PPP2R2C: variants seen among roughly 807,000 people sequenced by gnomAD.
PPP2R2C encodes protein phosphatase 2 regulatory subunit Bgamma.
Under a neutral mutation model 45.3 loss-of-function variants are expected in PPP2R2C, and 10 were observed. The observed-to-expected ratio is 0.22, with a 90% CI of 0.14 to 0.37. The LOEUF is 0.37. Among genes scored for constraint, PPP2R2C ranks in the 10% least tolerant of loss-of-function variants. The pLI, the probability that PPP2R2C is intolerant of heterozygous loss-of-function variation, is 1.00. For missense variants in PPP2R2C, 308 were observed against 619.7 expected (o/e 0.50, Z 5.34); for synonymous variants, 257 against 245.4 (o/e 1.05, Z -0.44).
intron 5 of PPP2R2C, among the ~76,000 whole-genome samples, chr4:6,358,352 C>T (rs1713407952): frequency 6.6e-6 from 1 of 152,130 alleles, no homozygotes; most frequent in Admixed American, 6.5e-5. Flanking sequence ...GGAGTAAAGA[C>T]TTAAATGTTA....
chr4:6,538,178 T>A (rs1724692073), intron 1 of PPP2R2C, among the ~76,000 whole-genome samples: 1 of 152,198 alleles, frequency 6.6e-6, no homozygotes, highest in Non-Finnish European at 1.5e-5. Context: ...TCATTCCATT[T>A]AATCTTCCCA....
intron 1 of PPP2R2C, among the ~76,000 whole-genome samples, chr4:6,454,486 G>T (rs1269485914): frequency 6.6e-6 from 1 of 152,138 alleles, no homozygotes; most frequent in Non-Finnish European, 1.5e-5. Context: ...GCACGCTGGA[G>T]AGGGGAGCCC....
intron 2 of PPP2R2C, among the ~76,000 whole-genome samples, chr4:6,529,499 A>G (rs928030244): frequency 4.6e-5 from 7 of 151,592 alleles, no homozygotes; most frequent in African/African-American, 1.5e-4. Context: ...GTGGGTGCCA[A>G]CACCTCCAGT....
At position 6,420,990 on chromosome 4, in the gene PPP2R2C, G is replaced by C. The variant is rs1157920588; in HGVS notation, c.71-39896C>G. On this transcript the variant is annotated intron_variant, in intron 1 of 8. Coordinates refer to ENST00000382599, the MANE Select transcript of PPP2R2C (RefSeq NM_020416.4). ...CAGCAGCCAAGAGCTTGGGCAGCTG[G>C]TTCTCCTCGATGTGCCTGAGGAGGG... 7 of 985,102 alleles carry C rather than the reference G, an allele frequency of 7.1e-6. No individual in the cohort carries two copies. The East Asian group carries it at 6.8e-4, about 96-fold the overall frequency. The allele number at this position is 985,102 out of a possible 1,614,324, so 61.0% of individuals were successfully genotyped here.
intron 1 of PPP2R2C, among the ~76,000 whole-genome samples, chr4:6,548,853 A>T (rs928651179): frequency 6.6e-6 from 1 of 152,158 alleles, no homozygotes; most frequent in Admixed American, 6.5e-5. Context: ...TGGACAGCAA[A>T]GTCTTTCTTG....
At chr4:6,480,678 G>A (rs1264878635) in intron 2 of PPP2R2C, among the ~76,000 whole-genome samples, 2 of 152,224 alleles carry the variant, frequency 1.3e-5, no homozygotes, top group Admixed American at 6.5e-5. Context: ...AGGATGGACA[G>A]GTGGAGGGCG....
At chr4:6,476,213 T>C (rs1314358699), upstream of PPP2R2C, among the ~76,000 whole-genome samples, 1 of 152,134 alleles carries the variant, frequency 6.6e-6, no homozygotes, top group Non-Finnish European at 1.5e-5. Flanking sequence ...AAGTAAACAC[T>C]CATCTAACCA....
intron 1 of PPP2R2C, among the ~76,000 whole-genome samples, chr4:6,386,858 T>C (rs913486835): frequency 2.0e-5 from 3 of 152,056 alleles, no homozygotes; most frequent in African/African-American, 7.2e-5. Flanking sequence ...TCATACTTCA[T>C]GAAAGAATAA....
Position 6,462,697 on chromosome 4 carries a change from A to G in PPP2R2C, c.70+9463T>C, listed in dbSNP as rs143581255. The stretch of plus-strand genomic sequence containing the variant: ...ACCAGAATTTAGGTAACAAAGAATC[A>G]GGATATGTTTTGTGAGGTGGGATAA... On this transcript the variant is annotated intron_variant, in intron 1 of 8. Coordinates refer to ENST00000382599, the MANE Select transcript of PPP2R2C (RefSeq NM_020416.4). Among the ~76,000 whole-genome samples, 6 of 152,324 alleles carry G rather than the reference A, an allele frequency of 3.9e-5. 1 individual carries two copies. Among genetic ancestry groups the G allele is most frequent in the Admixed American group, 6.5e-5 (1 of 15,302 alleles).
intron 6 of PPP2R2C, among the ~76,000 whole-genome samples, chr4:6,335,358 GGA>G (rs1732762945): frequency 6.6e-6 from 1 of 152,160 alleles, no homozygotes; most frequent in Admixed American, 6.5e-5. Context: ...GTGAAGTTGG[GGA>G]GAGATTGGTG....
chr4:6,384,423 T>C, intron 1 of PPP2R2C: 2 of 984,536 alleles, frequency 2.0e-6, no homozygotes, highest in Non-Finnish European at 2.4e-6. Context: ...TGGAACAAAA[T>C]AATATTTCCT....
intron 1 of PPP2R2C, among the ~76,000 whole-genome samples, chr4:6,391,661 C>T (rs562107968): frequency 2.2e-4 from 33 of 152,358 alleles, no homozygotes; most frequent in African/African-American, 7.7e-4. Context: ...GGTCCCAAGA[C>T]GTGCCTGTGA....
At chr4:6,507,016 C>G (rs1227321401) in intron 2 of PPP2R2C, among the ~76,000 whole-genome samples, 3 of 152,124 alleles carry the variant, frequency 2.0e-5, no homozygotes, top group Non-Finnish European at 4.4e-5. Context: ...GATGCAGCCT[C>G]AGACATCCTA....
rs1030516545 is a variant in PPP2R2C, at chr4:6,563,163, G to A, written c.-59+397C>T. Among the ~76,000 whole-genome samples, 3 of 152,190 alleles carry A rather than the reference G, an allele frequency of 2.0e-5. No homozygotes were observed. The highest frequency in any genetic ancestry group is 4.8e-5 in the African/African-American group (2 of 41,450). On this transcript the variant is annotated intron_variant, in intron 1 of 9. Coordinates refer to the PPP2R2C transcript ENST00000506140. The surrounding 1 kb of genome is among the most constrained non-coding windows in gnomAD (Gnocchi z 5.8). ...ACCTTCAGCCGGGCAGCGAGGGGGG[G>A]CTCGAGCGCGCCGGTTCTCGGCCGA...
chr4:6,471,801 C>A lies in PPP2R2C; in HGVS notation c.70+359G>T. 1 of 249,226 alleles carries A rather than the reference C, an allele frequency of 4.0e-6. No individual in the cohort carries two copies. The allele number at this position is 249,226 out of a possible 1,614,324, so 15.4% of individuals were successfully genotyped here. On this transcript the variant is annotated intron_variant, in intron 1 of 8. Transcript: ENST00000382599. The surrounding 1 kb of genome is among the most constrained non-coding windows in gnomAD (Gnocchi z 5.6). ...CCAGGATTTAAACCATTAAATTTCCCCGAGATTTCTTCACCAGATTAGCCA... is the reference window on the plus strand; with the variant it reads ...CCAGGATTTAAACCATTAAATTTCCACGAGATTTCTTCACCAGATTAGCCA...
intron 2 of PPP2R2C, among the ~76,000 whole-genome samples, chr4:6,504,362 A>G (rs1363143744): frequency 2.6e-5 from 4 of 152,236 alleles, no homozygotes; most frequent in Non-Finnish European, 5.9e-5. Flanking sequence ...TCTTGGGAGT[A>G]ACATAATAGA....
chr4:6,381,422 G>A, intron 1 of PPP2R2C: 3 of 1,407,882 alleles, frequency 2.1e-6, no homozygotes, highest in Non-Finnish European at 2.8e-6. Context: ...CCTGGATGTG[G>A]CCTCATCCTC....
Position 6,329,606 on chromosome 4 carries a change from TCGGGGGGCCCACGACCAGGCACACGGC to T in PPP2R2C, c.961-280_961-254del, listed in dbSNP as rs1732242633. 7.6e-6 allele frequency among the ~76,000 whole-genome samples: 1 copy of T among 131,638 alleles called. No individual in the cohort carries two copies. Among genetic ancestry groups the T allele is most frequent in the African/African-American group, 4.4e-5 (1 of 22,958 alleles). 86.4% of individuals were successfully genotyped at this position (131,638 alleles called of 152,430 possible). A position where few individuals can be genotyped will look rare whatever the true frequency, so the allele number is the denominator to read the frequency against. On this transcript the variant is annotated intron_variant, in intron 7 of 8. Coordinates refer to ENST00000382599, the MANE Select transcript of PPP2R2C (RefSeq NM_020416.4). This position sits in a 1 kb window ranked among gnomAD's most constrained non-coding sequence, Gnocchi z 5.8. ...GCCCAATACAGCCCTGCTCATCTTA[TCGGGGGGCCCACGACCAGGCACACGGC>T]TGACCTCCACCGTGACACAGCCCAA...
Position 6,378,259 on chromosome 4 carries a change from G to C in PPP2R2C, c.334+148C>G. On this transcript the variant is annotated intron_variant, in intron 3 of 8. Transcript: ENST00000382599. This position sits in a 1 kb window ranked among gnomAD's most constrained non-coding sequence, Gnocchi z 5.2. ...GGGGGTCTGGCATACTCACTCATGG[G>C]ATTTATATGCTGCTCAAAAAGGATA... The C allele has an allele frequency of 4.0e-6, 6 of 1,481,686 alleles. No homozygotes were observed. The highest frequency in any genetic ancestry group is 5.4e-6 in the Non-Finnish European group (6 of 1,109,396). 91.8% of individuals were successfully genotyped at this position (1,481,686 alleles called of 1,614,324 possible). A position where few individuals can be genotyped will look rare whatever the true frequency, so the allele number is the denominator to read the frequency against.
Sources: allele counts gnomAD v4.1 joint callset (sites outside exome capture counted in the v4.1 genomes callset), GRCh38; gene constraint gnomAD v4.1.1; non-coding constraint Gnocchi (gnomAD v3.1); transcripts MANE v1.5; gene names NCBI Gene and HGNC (gene_info 2026-07-23, HGNC 2026-07-21).